Variants in FRMPD1 observed in about 807,000 individuals in gnomAD.
FRMPD1 encodes the protein FERM and PDZ domain containing 1.
A neutral mutation model predicts 117.8 loss-of-function variants in FRMPD1; 76 were observed. The ratio of observed to expected loss-of-function variants is 0.65; its 90% CI spans 0.54 to 0.78. The LOEUF (loss-of-function observed/expected upper bound fraction) is 0.78. FRMPD1 is among the 30% of genes least tolerant of loss of function. The pLI is 0.00. For synonymous variants in FRMPD1, 783 were observed against 770.4 expected, an observed-to-expected ratio of 1.02 and a Z score of -0.27; for missense variants, 1,786 against 1,964.5, an observed-to-expected ratio of 0.91 and a Z score of 1.72.
Position 37,731,058 on chromosome 9 carries a change from C to T in FRMPD1, c.813C>T (p.Asp271=), listed in dbSNP as rs1165596760. ...GTTTTGTTCCCAAGGACCCCCTGGACCTCCTGAAAGAAGACCCCGTGGCCT... is the reference window on the plus strand; with the variant it reads ...GTTTTGTTCCCAAGGACCCCCTGGATCTCCTGAAAGAAGACCCCGTGGCCT... ...RVCFVPKDPL[D]LLKEDPVAFE... The change falls in exon 9 of 16, where the codon GAC becomes GAT. Residue 271 remains aspartate (D), a synonymous_variant. Transcript: ENST00000377765. 1.9e-6 allele frequency: 3 copies of T among 1,613,396 alleles called. No homozygotes were observed. The highest frequency in any genetic ancestry group is 2.2e-5 in the East Asian group (1 of 44,876).
At chr9:37,604,194 GA>G in the FRMPD1 span, among the ~76,000 whole-genome samples, 1 of 151,830 alleles carries the variant, frequency 6.6e-6, no homozygotes, top group Non-Finnish European at 1.5e-5. Flanking sequence ...TAATCTAAGT[GA>G]AAAAAAATCC....
At chr9:37,728,843 AT>A (rs1823729485) in intron 7 of FRMPD1, among the ~76,000 whole-genome samples, 1 of 151,852 alleles carries the variant, frequency 6.6e-6, no homozygotes, top group South Asian at 2.1e-4. Context: ...CACACCTGTA[AT>A]CCCAGCTACT....
chr9:37,618,312 A>C, the FRMPD1 span, among the ~76,000 whole-genome samples: 1 of 152,210 alleles, frequency 6.6e-6, no homozygotes. Context: ...AGGGGGGAAC[A>C]GTGCTGGCTG....
intron 9 of FRMPD1, 110 bp from the exon 10 acceptor site, chr9:37,732,194 A>G (rs1823914050): frequency 1.8e-6 from 2 of 1,119,742 alleles, no homozygotes. Context: ...GAACTGTCAG[A>G]GCCAGCTCTC....
Position 37,740,535 on chromosome 9 carries a change from C to G in FRMPD1, c.2007C>G (p.Cys669Trp). Residue 669 changes from cysteine (C) to tryptophan (W), a missense_variant, in exon 15 of 16, where the codon TGC becomes TGG. Physicochemically the swap from Cys to Trp is radical, Grantham distance 215. Transcript: ENST00000377765. The surrounding 1 kb of genome is among the most constrained non-coding windows in gnomAD (Gnocchi z 4.2). ...TGGCCCAGAGAGCCAACCCCCAGTG[C>G]CAGAAGACAGAGTTTTCCGAGAGTG... is the stretch of plus-strand genomic sequence containing the variant. ...LDLAQRANPQ[C>W]QKTEFSESAA... is the part of the protein sequence containing the mutation. 1 of 1,614,200 alleles carries G rather than the reference C, an allele frequency of 6.2e-7. No homozygotes were observed. Among genetic ancestry groups the G allele is most frequent in the Non-Finnish European group, 8.5e-7 (1 of 1,180,018 alleles).
At chr9:37,725,716 C>T (rs72724140) in intron 7 of FRMPD1, among the ~76,000 whole-genome samples, 16 of 152,096 alleles carry the variant, frequency 1.1e-4, no homozygotes, top group South Asian at 2.1e-4. Flanking sequence ...TATACGATCT[C>T]ATTTAATGCC....
chr9:37,746,051 A>G lies in FRMPD1; in HGVS notation c.4019A>G (p.Tyr1340Cys). Residue 1340 changes from tyrosine (Y) to cysteine (C), a missense_variant, in exon 16 of 16, where the codon TAT (tyrosine) becomes TGT (cysteine). Transcript: ENST00000377765. ...GMDQCSCQFS[Y>C]ATCFRGPQPE... The stretch of plus-strand genomic sequence containing the variant: ...GACCAGTGCAGCTGTCAGTTCTCCT[A>G]TGCCACATGCTTCCGTGGCCCGCAG... The G allele has an allele frequency of 6.2e-7, 1 of 1,614,140 alleles. No individual in the cohort carries two copies. Among genetic ancestry groups the G allele is most frequent in the South Asian group, 1.1e-5 (1 of 91,088 alleles).
the FRMPD1 span, chr9:37,636,908 T>C: frequency 1.9e-6 from 3 of 1,609,020 alleles, no homozygotes; most frequent in Non-Finnish European, 1.7e-6. Flanking sequence ...GTCCACCACC[T>C]TCTTGGTGGT....
Position 37,722,456 on chromosome 9 carries a change from G to A in FRMPD1, c.517-1769G>A, listed in dbSNP as rs184756050. 2.6e-5 allele frequency among the ~76,000 whole-genome samples: 4 copies of A among 152,330 alleles called. No individual in the cohort carries two copies. In the East Asian group the frequency reaches 7.7e-4, roughly 29 times the overall value. On this transcript the variant is annotated intron_variant, in intron 6 of 15. Coordinates refer to ENST00000377765, the MANE Select transcript of FRMPD1 (RefSeq NM_014907.3). ...GAGTTTTGCTCCTGTCGCCCTGGCT[G>A]GAGTGCAGTGGTGTGATCTCGGCTC... is the stretch of plus-strand genomic sequence containing the variant.
intron 1 of FRMPD1, among the ~76,000 whole-genome samples, chr9:37,678,699 A>G (rs1821618217): frequency 6.6e-6 from 1 of 152,224 alleles, no homozygotes; most frequent in South Asian, 2.1e-4. Context: ...AAGACCTAGA[A>G]CAGTGCCAGG....
chr9:37,637,964 CTTTCTTTCTTTCT>C, the FRMPD1 span, among the ~76,000 whole-genome samples: 7 of 32,088 alleles, frequency 2.2e-4, no homozygotes, highest in African/African-American at 6.7e-4. Context: ...ATGGTGTATG[CTTTCTTTCTTTCT>C]TTCTTTCTTT....
chr9:37,745,658 A>C lies in FRMPD1; in HGVS notation c.3626A>C (p.Asp1209Ala). 6.2e-7 allele frequency: 1 copy of C among 1,614,166 alleles called. No homozygotes were observed. The highest frequency in any genetic ancestry group is 8.5e-7 in the Non-Finnish European group (1 of 1,180,010). ...KLFVELDLDPDFFLGKQTVSP... is the reference protein window; with the variant it reads ...KLFVELDLDPAFFLGKQTVSP... ...TTCGTAGAGTTGGATTTAGACCCTG[A>C]TTTCTTTCTTGGGAAGCAGACAGTT... Residue 1209 changes from aspartate (D) to alanine (A), a missense_variant, in exon 16 of 16, where the codon GAT (aspartate) becomes GCT (alanine). Transcript: ENST00000377765.
chr9:37,637,554 G>A, the FRMPD1 span, among the ~76,000 whole-genome samples: 3 of 151,970 alleles, frequency 2.0e-5, no homozygotes, highest in African/African-American at 7.3e-5. Flanking sequence ...CTACACTCTG[G>A]CAAGCAAGCA....
chr9:37,702,305 C>T (rs1485984425), intron 2 of FRMPD1, among the ~76,000 whole-genome samples: 1 of 152,166 alleles, frequency 6.6e-6, no homozygotes, highest in Non-Finnish European at 1.5e-5. Context: ...TTCCCGTGAG[C>T]AAAGATCTTC....
chr9:37,650,179 G>C (rs752501634), upstream of FRMPD1, among the ~76,000 whole-genome samples: 1 of 152,232 alleles, frequency 6.6e-6, no homozygotes, highest in Non-Finnish European at 1.5e-5. Flanking sequence ...TAGGTGTTCA[G>C]TAGAGTTCAG....
the FRMPD1 span, among the ~76,000 whole-genome samples, chr9:37,609,798 C>T: frequency 6.6e-6 from 1 of 152,200 alleles, no homozygotes; most frequent in African/African-American, 2.4e-5. Flanking sequence ...GCTGTCCTTC[C>T]CTCAGCCTTC....
chr9:37,690,971 C>G (rs552167138), intron 1 of FRMPD1, among the ~76,000 whole-genome samples: 3 of 152,256 alleles, frequency 2.0e-5, no homozygotes, highest in Non-Finnish European at 4.4e-5. Context: ...GAGGACACAG[C>G]CTGCATGACC....
chr9:37,686,159 C>T (rs1244479438), intron 1 of FRMPD1, among the ~76,000 whole-genome samples: 1 of 152,134 alleles, frequency 6.6e-6, no homozygotes, highest in East Asian at 1.9e-4. Context: ...TTACAAGGAA[C>T]TGTTGAAGGA....
Position 37,745,950 on chromosome 9 carries a change from C to T in FRMPD1, c.3918C>T (p.Val1306=). The change falls in exon 16 of 16, where the codon GTC becomes GTT. Residue 1306 remains valine (V), a synonymous_variant. Coordinates refer to ENST00000377765, the MANE Select transcript of FRMPD1 (RefSeq NM_014907.3). ...LCFAPESHPE[V]SASLRVATSL... is the part of the protein sequence containing the mutation. ...TTGCCCCAGAAAGCCATCCTGAAGTCTCTGCCAGTCTCAGGGTGGCCACAT... is the reference window on the plus strand; with the variant it reads ...TTGCCCCAGAAAGCCATCCTGAAGTTTCTGCCAGTCTCAGGGTGGCCACAT... 2 of 1,614,222 alleles carry T rather than the reference C, an allele frequency of 1.2e-6. No individual in the cohort carries two copies. Among genetic ancestry groups the T allele is most frequent in the South Asian group, 1.1e-5 (1 of 91,088 alleles).
Sources: gnomAD v4.1 joint callset for allele counts (sites outside exome capture counted in the v4.1 genomes callset) on GRCh38, gnomAD v4.1.1 for gene constraint, Gnocchi (gnomAD v3.1) non-coding constraint, MANE v1.5 for transcripts, NCBI Gene and HGNC (gene_info 2026-07-23, HGNC 2026-07-21) for gene names.